Variants in LRBA observed in about 807,000 individuals in gnomAD.
The protein encoded by LRBA is lipopolysaccharide-responsive and beige-like anchor protein.
Under a neutral mutation model 330.0 loss-of-function variants are expected in LRBA, and 176 were observed. The ratio of observed to expected loss-of-function variants is 0.53; its 90% CI spans 0.47 to 0.60. The LOEUF is 0.60. Among genes scored for constraint, LRBA ranks in the 20% least tolerant of loss-of-function variants. The probability of loss-of-function intolerance (pLI) is 0.00; values close to 1 mark genes in which losing one functional copy is unlikely to be tolerated. For synonymous variants in LRBA, 1,230 were observed against 1,193.0 expected (o/e 1.03, Z -0.64); for missense variants, 3,259 against 3,444.8 (o/e 0.95, Z 1.35).
intron 36 of LRBA, among the ~76,000 whole-genome samples, chr4:150,702,695 C>A (rs1785229504): frequency 6.6e-6 from 1 of 152,084 alleles, no homozygotes; most frequent in South Asian, 2.1e-4. Context: ...CTACAGACTG[C>A]AAAAACGATT....
intron 2 of LRBA, among the ~76,000 whole-genome samples, chr4:150,947,447 A>G (rs950536320): frequency 1.3e-5 from 2 of 152,106 alleles, no homozygotes; most frequent in African/African-American, 2.4e-5. Context: ...GATCATATCA[A>G]CTGATGCAGA....
chr4:150,499,367 G>A (rs1216878267), intron 40 of LRBA, among the ~76,000 whole-genome samples: 1 of 152,104 alleles, frequency 6.6e-6, no homozygotes, highest in Non-Finnish European at 1.5e-5. Context: ...TCAGGGCCAG[G>A]CAAAGTGGAT....
At chr4:150,987,650 G>A (rs914852094) in intron 2 of LRBA, among the ~76,000 whole-genome samples, 5 of 151,588 alleles carry the variant, frequency 3.3e-5, no homozygotes, top group Admixed American at 6.6e-5. Context: ...AGGTGGCAGT[G>A]AGCTGAGATC....
intron 53 of LRBA, among the ~76,000 whole-genome samples, chr4:150,298,287 A>C (rs1729212600): frequency 6.6e-6 from 1 of 152,146 alleles, no homozygotes; most frequent in African/African-American, 2.4e-5. Flanking sequence ...ACATGTTATG[A>C]TACTACTTTT....
intron 48 of LRBA, among the ~76,000 whole-genome samples, chr4:150,327,776 C>T (rs1320161777): frequency 6.6e-6 from 1 of 152,170 alleles, no homozygotes; most frequent in Admixed American, 6.5e-5. Context: ...AAATGCTGTA[C>T]TGTATTATTA....
At chr4:150,883,969 G>A (rs900778327) in intron 17 of LRBA, among the ~76,000 whole-genome samples, 13 of 152,086 alleles carry the variant, frequency 8.5e-5, no homozygotes, top group South Asian at 2.1e-4. Flanking sequence ...GAATAAAACC[G>A]AAAAAAATTT....
At chr4:150,828,920 G>T (rs767829554) in intron 29 of LRBA, among the ~76,000 whole-genome samples, 1 of 53,236 alleles carries the variant, frequency 1.9e-5, no homozygotes, top group Non-Finnish European at 6.0e-5. Flanking sequence ...ATCTTTTTTG[G>T]GGGTGTGTGT....
In LRBA at chr4:150,420,089, T is replaced by G. The variant is rs1581254283; in HGVS notation, c.7042-4499A>C. Among the ~76,000 whole-genome samples, 7 of 150,538 alleles carry G rather than the reference T, an allele frequency of 4.6e-5. 2 individuals carry two copies. The highest frequency in any genetic ancestry group is 6.6e-5 in the Admixed American group (1 of 15,134). ...CGTCTCTACAAAAAAATTAAAAAAT[T>G]TAGCCAGGTATGGTGGCATGCACCT... On this transcript the variant is annotated intron_variant, in intron 46 of 56. Transcript: ENST00000651943.
intron 48 of LRBA, among the ~76,000 whole-genome samples, chr4:150,335,101 A>T (rs1265502859): frequency 6.6e-6 from 1 of 152,078 alleles, no homozygotes; most frequent in Non-Finnish European, 1.5e-5. Context: ...AAGTGCTGGG[A>T]TTACAGGCAT....
At chr4:150,372,409 A>G (rs1174219493) in intron 47 of LRBA, among the ~76,000 whole-genome samples, 1 of 151,912 alleles carries the variant, frequency 6.6e-6, no homozygotes, top group African/African-American at 2.4e-5. Context: ...CAGGAGTTCA[A>G]GACCAGCCTG....
intron 40 of LRBA, among the ~76,000 whole-genome samples, chr4:150,561,886 C>T (rs1655276557): frequency 6.6e-6 from 1 of 152,130 alleles, no homozygotes; most frequent in African/African-American, 2.4e-5. Context: ...CAACACCCTA[C>T]CAATCCCTAC....
chr4:150,665,500 A>T (rs1210554920), intron 37 of LRBA, among the ~76,000 whole-genome samples: 5 of 152,100 alleles, frequency 3.3e-5, no homozygotes, highest in Admixed American at 2.6e-4. Flanking sequence ...AATCACCAAC[A>T]CAATCACGAT....
intron 55 of LRBA, among the ~76,000 whole-genome samples, chr4:150,279,073 C>A (rs1747175188): frequency 6.6e-6 from 1 of 152,180 alleles, no homozygotes; most frequent in Non-Finnish European, 1.5e-5. Context: ...GATCCACCCG[C>A]TCGGACTCCC....
chr4:150,298,484 T>TA (rs1209139627), intron 53 of LRBA, among the ~76,000 whole-genome samples: 4 of 152,020 alleles, frequency 2.6e-5, no homozygotes, highest in African/African-American at 9.7e-5. Context: ...GGTAATGACT[T>TA]AAGTGATTGA....
chr4:150,923,016 C>T (rs768139107), intron 4 of LRBA, among the ~76,000 whole-genome samples: 4 of 152,030 alleles, frequency 2.6e-5, no homozygotes, highest in Admixed American at 1.3e-4. Context: ...CCTCAACTTA[C>T]GATAGGGTTA....
chr4:150,905,820 T>C lies in LRBA; in HGVS notation c.1755+18A>G, dbSNP rs1288742494. ...AGCAAAGATAGTAAAACAATATCAA[T>C]ATATAGATATATATTACCTTGGCTG... On this transcript the variant is annotated intron_variant, in intron 13 of 56. Transcript: ENST00000651943. The C allele has an allele frequency of 1.9e-6, 3 of 1,592,778 alleles. No individual in the cohort carries two copies. Among genetic ancestry groups the C allele is most frequent in the Admixed American group, 1.7e-5 (1 of 58,418 alleles).
intron 2 of LRBA, among the ~76,000 whole-genome samples, chr4:150,950,540 TGAAA>T (rs1736716132): frequency 6.6e-6 from 1 of 150,514 alleles, no homozygotes; most frequent in Non-Finnish European, 1.5e-5. Flanking sequence ...TTAGGGTACA[TGAAA>T]GAAAGATCTA....
chr4:150,984,188 TAAACC>T (rs1357326274), intron 2 of LRBA, among the ~76,000 whole-genome samples: 1 of 151,978 alleles, frequency 6.6e-6, no homozygotes, highest in African/African-American at 2.4e-5. Flanking sequence ...GAAAGAAAAA[TAAACC>T]AAACATAAGA....
intron 40 of LRBA, among the ~76,000 whole-genome samples, chr4:150,508,344 G>A (rs572191506): frequency 5.3e-5 from 8 of 151,168 alleles, no homozygotes; most frequent in South Asian, 2.1e-4. Context: ...GTGCAGTGGC[G>A]TGATCTCTGC....
Sources: gnomAD v4.1 joint callset for allele counts (sites outside exome capture counted in the v4.1 genomes callset) on GRCh38, gnomAD v4.1.1 for gene constraint, MANE v1.5 for transcripts, NCBI Gene and HGNC (gene_info 2026-07-23, HGNC 2026-07-21) for gene names.